Variants in CCDC201 observed in about 807,000 individuals in gnomAD.
The protein encoded by CCDC201 is coiled-coil domain containing 201.
upstream of CCDC201, among the ~76,000 whole-genome samples, chr7:45,877,373 T>C (rs765823201): frequency 1.3e-5 from 2 of 152,208 alleles, no homozygotes; most frequent in Non-Finnish European, 2.9e-5. Context: ...TGGTCAGTAC[T>C]CTTTGTAAAG....
intron 1 of CCDC201, among the ~76,000 whole-genome samples, chr7:45,869,511 C>T (rs1208988289): frequency 6.6e-6 from 1 of 152,164 alleles, no homozygotes; most frequent in Non-Finnish European, 1.5e-5. Context: ...GTGCCTCCTC[C>T]TTTTGGGATG....
At chr7:45,884,552 G>A in the CCDC201 span, among the ~76,000 whole-genome samples, 1 of 152,100 alleles carries the variant, frequency 6.6e-6, no homozygotes, top group Non-Finnish European at 1.5e-5. Context: ...CTCCCTGCCT[G>A]TTATTCCAGC....
intron 2 of CCDC201, among the ~76,000 whole-genome samples, chr7:45,865,817 G>A (rs1179583801): frequency 6.6e-6 from 1 of 152,224 alleles, no homozygotes; most frequent in African/African-American, 2.4e-5. Flanking sequence ...GGCAGCAGCA[G>A]GTGTCAGAAA....
chr7:45,882,656 T>G, the CCDC201 span, among the ~76,000 whole-genome samples: 1 of 152,214 alleles, frequency 6.6e-6, no homozygotes, highest in Non-Finnish European at 1.5e-5. Flanking sequence ...GTGGCCCTAT[T>G]CATAGGCACC....
chr7:45,865,608 T>G (rs1310613655), intron 2 of CCDC201, among the ~76,000 whole-genome samples: 2 of 152,136 alleles, frequency 1.3e-5, no homozygotes, highest in Non-Finnish European at 2.9e-5. Flanking sequence ...AGACCTTCCC[T>G]GTCACCCCAA....
intron 1 of CCDC201, among the ~76,000 whole-genome samples, chr7:45,871,007 A>T (rs920552172): frequency 6.6e-6 from 1 of 152,214 alleles, no homozygotes; most frequent in African/African-American, 2.4e-5. Context: ...ATTAACAGAA[A>T]CTACTTTTAA....
chr7:45,866,151 TGCTGCTGCCGCTGCC>T, exon 2 of CCDC201: 1 of 204,974 alleles, frequency 4.9e-6, no homozygotes, highest in South Asian at 7.5e-5. Context: ...CTGCTGCTGC[TGCTGCTGCCGCTGCC>T]GCTGCCGCTG....
At chr7:45,866,547 G>A (rs554938740) in intron 1 of CCDC201, 53 bp from the exon 2 acceptor site, 1 of 152,326 alleles carries the variant, frequency 6.6e-6, no homozygotes, top group African/African-American at 2.4e-5. Flanking sequence ...GGAGCCTTGA[G>A]ACAGGCACTA....
At chr7:45,879,979 G>A in the CCDC201 span, among the ~76,000 whole-genome samples, 4 of 152,074 alleles carry the variant, frequency 2.6e-5, no homozygotes, top group East Asian at 1.9e-4. Context: ...CCAGCTACTC[G>A]GGAGGCTGAG....
chr7:45,873,601 T>C (rs1786766125), upstream of CCDC201, among the ~76,000 whole-genome samples: 2 of 152,294 alleles, frequency 1.3e-5, no homozygotes, highest in South Asian at 2.1e-4. Context: ...GGACCCGTGA[T>C]TGGTATCACC....
rs186278454 is a variant in CCDC201, at chr7:45,868,114, T to G, written c.19-1620A>C. On this transcript the variant is annotated intron_variant, in intron 1 of 2. Coordinates refer to ENST00000636578, the Ensembl canonical transcript of CCDC201. Reference sequence around the variant, plus strand: ...GGAAGTTCTGGCTTGGGGTCACCCATGAGGCTGTCATTGAGGTATTGGCTT... The same window carrying G: ...GGAAGTTCTGGCTTGGGGTCACCCAGGAGGCTGTCATTGAGGTATTGGCTT... Among the ~76,000 whole-genome samples the G allele has an allele frequency of 4.2e-3, 646 of 152,334 alleles. 5 individuals carry two copies. The highest frequency in any genetic ancestry group is 0.015 in the African/African-American group (621 of 41,578).
chr7:45,875,132 G>C (rs920906643), upstream of CCDC201, among the ~76,000 whole-genome samples: 22 of 152,314 alleles, frequency 1.4e-4, no homozygotes, highest in African/African-American at 5.3e-4. Context: ...ACACTACAGA[G>C]AAGATGTTTG....
At chr7:45,862,055 G>T (rs1496493) in exon 3 of CCDC201, 1 of 152,216 alleles carries the variant, frequency 6.6e-6, no homozygotes, top group African/African-American at 2.4e-5. Context: ...TATTACCTTC[G>T]TATTATTGAT....
At chr7:45,860,784 G>A (rs1019872976) in exon 3 of CCDC201, 19 of 152,346 alleles carry the variant, frequency 1.2e-4, no homozygotes, top group African/African-American at 4.3e-4. Context: ...AGCAAGACTT[G>A]TTCTGTCTTT....
chr7:45,884,256 T>A, the CCDC201 span, among the ~76,000 whole-genome samples: 3 of 152,146 alleles, frequency 2.0e-5, no homozygotes, highest in Admixed American at 6.6e-5. Context: ...TACACCACCA[T>A]GCCTGGCTAA....
chr7:45,860,911 A>C (rs1007686770), exon 3 of CCDC201: 4 of 152,218 alleles, frequency 2.6e-5, no homozygotes, highest in African/African-American at 9.6e-5. Context: ...AACTGCATAT[A>C]CTCCAAATAT....
chr7:45,880,068 A>AT, the CCDC201 span, among the ~76,000 whole-genome samples: 2 of 152,224 alleles, frequency 1.3e-5, no homozygotes, highest in African/African-American at 4.8e-5. Flanking sequence ...CCCGGGTGAC[A>AT]GAGTGAGACT....
the CCDC201 span, among the ~76,000 whole-genome samples, chr7:45,882,057 G>GT: frequency 1.1e-4 from 16 of 152,056 alleles, no homozygotes; most frequent in African/African-American, 3.6e-4. Context: ...ACATCACTTT[G>GT]TTTTTTTTCC....
At chr7:45,880,749 G>A in the CCDC201 span, among the ~76,000 whole-genome samples, 23 of 152,244 alleles carry the variant, frequency 1.5e-4, no homozygotes, top group Admixed American at 1.1e-3. Context: ...GTAATTGGCA[G>A]GCTTTGCTCC....
Sources: allele counts gnomAD v4.1 joint callset (sites outside exome capture counted in the v4.1 genomes callset), GRCh38; gene constraint gnomAD v4.1.1; transcripts MANE v1.5; gene names NCBI Gene and HGNC (gene_info 2026-07-23, HGNC 2026-07-21).